The following FAM117B variants were observed in gnomAD, a reference collection of about 807,000 sequenced individuals.
FAM117B encodes the protein family with sequence similarity 117 member B.
In FAM117B, 22 loss-of-function variants were observed where a neutral mutation model predicts 52.8. That is an observed-to-expected ratio of 0.42 (90% CI 0.30 to 0.59). The LOEUF (loss-of-function observed/expected upper bound fraction) is 0.59. Among genes scored for constraint, FAM117B ranks in the 20% least tolerant of loss-of-function variants. The pLI is 0.22. For missense variants in FAM117B, 678 were observed against 802.6 expected, an observed-to-expected ratio of 0.84 and a Z score of 1.88; for synonymous variants, 309 against 324.1, an observed-to-expected ratio of 0.95 and a Z score of 0.50.
intron 1 of FAM117B, among the ~76,000 whole-genome samples, chr2:202,665,168 C>T (rs1690183997): frequency 6.6e-6 from 1 of 151,852 alleles, no homozygotes; most frequent in African/African-American, 2.4e-5. Context: ...CCACATGACC[C>T]TCTCAATTTT....
intron 1 of FAM117B, among the ~76,000 whole-genome samples, chr2:202,656,382 A>C (rs1690056730): frequency 6.6e-6 from 1 of 152,172 alleles, no homozygotes; most frequent in South Asian, 2.1e-4. Context: ...GTTTAGCTGC[A>C]TGTCACAAAG....
intron 1 of FAM117B, among the ~76,000 whole-genome samples, chr2:202,695,099 A>G (rs931109676): frequency 7.2e-5 from 11 of 152,146 alleles, no homozygotes; most frequent in African/African-American, 2.7e-4. Flanking sequence ...CATTGATTCT[A>G]TGGAAAATTC....
rs59347439 is a variant in FAM117B, at chr2:202,642,344, A to AATATATATATATATATATAT, written c.601+6558_601+6577dup. Among the ~76,000 whole-genome samples the AATATATATATATATATATAT allele has an allele frequency of 2.7e-3, 390 of 142,510 alleles. 3 individuals are homozygous for AATATATATATATATATATAT. Among genetic ancestry groups the AATATATATATATATATATAT allele is most frequent in the African/African-American group, 9.7e-3 (369 of 38,200 alleles). The allele number at this position is 142,510 out of a possible 152,430, so 93.5% of individuals were successfully genotyped here. A position where few individuals can be genotyped will look rare whatever the true frequency, so the allele number is the denominator to read the frequency against. On this transcript the variant is annotated intron_variant, in intron 1 of 7. Coordinates refer to ENST00000392238, the MANE Select transcript of FAM117B (RefSeq NM_173511.4). ...GTATTTATATTCTTAGAATAAATAGAATATATATATATATATATATAAAAT... is the reference window on the plus strand; with the variant it reads ...GTATTTATATTCTTAGAATAAATAGAATATATATATATATATATATATATATATATATATATATATAAAAT...
At chr2:202,708,709 G>C (rs1690913983) in intron 2 of FAM117B, among the ~76,000 whole-genome samples, 1 of 152,076 alleles carries the variant, frequency 6.6e-6, no homozygotes, top group Non-Finnish European at 1.5e-5. Context: ...GAGCTCAAGT[G>C]ATCCTCCTGC....
intron 7 of FAM117B, among the ~76,000 whole-genome samples, chr2:202,762,230 C>T (rs904983964): frequency 2.0e-5 from 3 of 152,128 alleles, no homozygotes; most frequent in Non-Finnish European, 2.9e-5. Flanking sequence ...TAACTCTGAC[C>T]TGAACTGGGG....
intron 4 of FAM117B, among the ~76,000 whole-genome samples, chr2:202,740,174 C>CAAAAAAA (rs67479326): frequency 1.1e-4 from 11 of 100,606 alleles, no homozygotes; most frequent in Admixed American, 1.5e-4. Flanking sequence ...CTTCATCCCC[C>CAAAAAAA]AAAAAAAAAA....
chr2:202,639,269 G>A (rs1433828511), intron 1 of FAM117B, among the ~76,000 whole-genome samples: 3 of 152,206 alleles, frequency 2.0e-5, no homozygotes, highest in African/African-American at 7.2e-5. Flanking sequence ...GAGTCCCTAA[G>A]TTGAAGGTAT....
intron 1 of FAM117B, among the ~76,000 whole-genome samples, chr2:202,683,690 C>T (rs1690496023): frequency 2.0e-5 from 3 of 152,042 alleles, no homozygotes; most frequent in Admixed American, 2.0e-4. Context: ...AATGAAAACT[C>T]CAGACCAGAT....
At chr2:202,754,975 C>T (rs188390528) in intron 4 of FAM117B, among the ~76,000 whole-genome samples, 95 of 150,984 alleles carry the variant, frequency 6.3e-4, no homozygotes, top group Non-Finnish European at 2.2e-4. Context: ...ACTTGGTGTC[C>T]GGGGAGGCCT....
chr2:202,661,599 G>C (rs1256270301), intron 1 of FAM117B, among the ~76,000 whole-genome samples: 1 of 151,860 alleles, frequency 6.6e-6, no homozygotes, highest in Non-Finnish European at 1.5e-5. Context: ...TCATCCACTT[G>C]CTGAGTCAGC....
intron 2 of FAM117B, among the ~76,000 whole-genome samples, chr2:202,717,911 G>A (rs1691083426): frequency 6.6e-6 from 1 of 152,162 alleles, no homozygotes. Context: ...CCAGGCCCTG[G>A]GCAGGTCCAG....
intron 3 of FAM117B, chr2:202,725,298 T>TC: frequency 6.5e-6 from 1 of 154,884 alleles, no homozygotes. Flanking sequence ...TCACATTTAT[T>TC]CTTTTTTTTT....
At chr2:202,737,232 A>G (rs1053619465) in intron 4 of FAM117B, among the ~76,000 whole-genome samples, 1 of 152,228 alleles carries the variant, frequency 6.6e-6, no homozygotes, top group African/African-American at 2.4e-5. Context: ...TCTCTAGGAA[A>G]GGACCTAAAG....
At chr2:202,686,275 G>A (rs1055974379) in intron 1 of FAM117B, among the ~76,000 whole-genome samples, 6 of 152,180 alleles carry the variant, frequency 3.9e-5, no homozygotes, top group African/African-American at 1.4e-4. Flanking sequence ...ATGTTGATGA[G>A]GATAGTGGAA....
rs1559091986 is a variant in FAM117B, at chr2:202,640,295, A to ATATATATATAT, written c.601+4507_601+4508insTATATATATAT. On this transcript the variant is annotated intron_variant, in intron 1 of 7. Coordinates refer to ENST00000392238, the MANE Select transcript of FAM117B (RefSeq NM_173511.4). ...ACAACAACCACCACCACCACCACAAAATATATATATATATATATATATATA... is the reference window on the plus strand; with the variant it reads ...ACAACAACCACCACCACCACCACAAATATATATATATATATATATATATATATATATATATA... Among the ~76,000 whole-genome samples the ATATATATATAT allele has an allele frequency of 2.2e-3, 111 of 51,298 alleles. 23 individuals are homozygous for ATATATATATAT. Among genetic ancestry groups the ATATATATATAT allele is most frequent in the Non-Finnish European group, 2.8e-3 (83 of 29,204 alleles). 33.7% of individuals were successfully genotyped at this position (51,298 alleles called of 152,430 possible). A position where few individuals can be genotyped will look rare whatever the true frequency, so the allele number is the denominator to read the frequency against.
intron 4 of FAM117B, among the ~76,000 whole-genome samples, chr2:202,750,358 C>T (rs1691703746): frequency 6.6e-6 from 1 of 151,820 alleles, no homozygotes; most frequent in Non-Finnish European, 1.5e-5. Flanking sequence ...CAAAAAAGTA[C>T]AAAAATTAGC....
chr2:202,739,314 A>G (rs1416577504), intron 4 of FAM117B, among the ~76,000 whole-genome samples: 1 of 152,084 alleles, frequency 6.6e-6, no homozygotes, highest in Non-Finnish European at 1.5e-5. Flanking sequence ...CCTGTGGTAT[A>G]TCATATTATG....
chr2:202,635,317 AAGCAGCAGC>A lies in FAM117B; in HGVS notation c.141_149del (p.Gln48_Gln50del), dbSNP rs567562707. On this transcript the variant is annotated inframe_deletion, in exon 1 of 8. Coordinates refer to ENST00000392238, the MANE Select transcript of FAM117B (RefSeq NM_173511.4). ...GAGGGCGACGGTTCCGTTCCAGCTGAAGCAGCAGCAGCAGCAGCAACATGGCAGCCCCAC... is the reference window on the plus strand; with the variant it reads ...GAGGGCGACGGTTCCGTTCCAGCTGAAGCAGCAGCAACATGGCAGCCCCAC... 43 of 1,404,236 alleles carry A rather than the reference AAGCAGCAGC, an allele frequency of 3.1e-5. No individual in the cohort carries two copies. Among genetic ancestry groups the A allele is most frequent in the Non-Finnish European group, 3.9e-5 (42 of 1,077,544 alleles). 87.0% of individuals were successfully genotyped at this position (1,404,236 alleles called of 1,614,324 possible).
intron 2 of FAM117B, among the ~76,000 whole-genome samples, chr2:202,719,278 G>A (rs1260866640): frequency 6.6e-6 from 1 of 152,016 alleles, no homozygotes; most frequent in Non-Finnish European, 1.5e-5. Context: ...ATTTTTATTT[G>A]TCTTAGTAAT....
Sources: gnomAD v4.1 joint callset for allele counts (sites outside exome capture counted in the v4.1 genomes callset) on GRCh38, gnomAD v4.1.1 for gene constraint, MANE v1.5 for transcripts, NCBI Gene and HGNC (gene_info 2026-07-23, HGNC 2026-07-21) for gene names.